Variants in TIAM2 observed in about 807,000 individuals in gnomAD.
The protein encoded by TIAM2 is rho guanine nucleotide exchange factor TIAM2.
A neutral mutation model predicts 152.9 loss-of-function variants in TIAM2; 80 were observed. The ratio of observed to expected loss-of-function variants is 0.52; its 90% CI spans 0.44 to 0.63. TIAM2 has a LOEUF of 0.63. TIAM2 is among the 30% of genes least tolerant of loss of function. TIAM2 has a pLI of 0.00. For synonymous variants in TIAM2, 804 were observed against 838.0 expected (o/e 0.96, Z 0.70); for missense variants, 1,965 against 2,120.1 (o/e 0.93, Z 1.44).
chr6:155,191,274 G>A (rs1284389702), intron 14 of TIAM2, among the ~76,000 whole-genome samples: 2 of 152,164 alleles, frequency 1.3e-5, no homozygotes, highest in Non-Finnish European at 2.9e-5. Flanking sequence ...TAACCTGAAA[G>A]CTCAGTTTTT....
At chr6:155,114,050 C>A (rs9480059) in intron 2 of TIAM2, among the ~76,000 whole-genome samples, 1,520 of 57,950 alleles carry the variant, frequency 0.026, 93 homozygotes, top group African/African-American at 0.1. Context: ...TTTTTTTTTT[C>A]TTTTTTTTTT....
At chr6:155,011,124 GACCAAA>G (rs1391445419) in intron 1 of TIAM2, among the ~76,000 whole-genome samples, 8 of 152,088 alleles carry the variant, frequency 5.3e-5, no homozygotes, top group East Asian at 3.9e-4. Context: ...AACATGGAAT[GACCAAA>G]ACCAAAACCA....
chr6:155,217,037 CGTTCTCCCAGAGGGAGCAG>C, intron 15 of TIAM2: 1 of 1,288,730 alleles, frequency 7.8e-7, no homozygotes, highest in Non-Finnish European at 1.0e-6. Context: ...AGATGTGATC[CGTTCTCCCAGAGGGAGCAG>C]GTTTCTTTGA....
intron 16 of TIAM2, 99 bp downstream of exon 16, chr6:155,240,808 C>A: frequency 2.3e-6 from 3 of 1,288,978 alleles, no homozygotes; most frequent in South Asian, 2.8e-5. Context: ...AGGACACCTG[C>A]CACTCCCCAG....
At chr6:155,216,826 C>T (rs1781871325) in intron 15 of TIAM2, 9 of 1,012,958 alleles carry the variant, frequency 8.9e-6, no homozygotes, top group Non-Finnish European at 7.5e-6. Flanking sequence ...CTTTCTAGAG[C>T]AGGCAGGCTC....
At position 155,174,958 on chromosome 6, in the gene TIAM2, T is replaced by A. The variant is rs1271729919; in HGVS notation, c.2362-1858T>A. Among the ~76,000 whole-genome samples, 1 of 152,196 alleles carries A rather than the reference T, an allele frequency of 6.6e-6. No homozygotes were observed. The highest frequency in any genetic ancestry group is 2.4e-5 in the African/African-American group (1 of 41,458). ...GTTTCAGAGGTGGGGCCTGCACCTTTAAGGCAGCATCTGTTTGTTGCTAAG... is the reference window on the plus strand; with the variant it reads ...GTTTCAGAGGTGGGGCCTGCACCTTAAAGGCAGCATCTGTTTGTTGCTAAG... On this transcript the variant is annotated intron_variant, in intron 9 of 26. Coordinates refer to ENST00000682666, the MANE Select transcript of TIAM2 (RefSeq NM_012454.4). The surrounding 1 kb of genome is among the most constrained non-coding windows in gnomAD (Gnocchi z 4.2).
At chr6:155,014,479 G>A (rs1258175880) in intron 1 of TIAM2, among the ~76,000 whole-genome samples, 1 of 152,058 alleles carries the variant, frequency 6.6e-6, no homozygotes, top group Non-Finnish European at 1.5e-5. Context: ...AAATCTTGCT[G>A]AGTTTTAATG....
chr6:155,146,137 G>A (rs1390095261), intron 6 of TIAM2, among the ~76,000 whole-genome samples: 1 of 152,118 alleles, frequency 6.6e-6, no homozygotes, highest in Non-Finnish European at 1.5e-5. Flanking sequence ...CAGCACTTTG[G>A]AGGCTGAGGC....
chr6:155,038,882 T>C (rs1005594344), intron 1 of TIAM2, among the ~76,000 whole-genome samples: 18 of 149,300 alleles, frequency 1.2e-4, no homozygotes, highest in African/African-American at 3.7e-4. Context: ...CAGTGAGCTG[T>C]GACTGTGCCA....
chr6:155,240,676 G>A lies in TIAM2; in HGVS notation c.3315G>A (p.Gln1105=). The part of the protein sequence containing the change: ...SDADRLRKVI[Q]ELVDTEKSYV... ...CAGACCGCCTCCGCAAAGTCATCCAGGAGCTTGTGGACACAGAGAAGTCCT... is the reference window on the plus strand; with the variant it reads ...CAGACCGCCTCCGCAAAGTCATCCAAGAGCTTGTGGACACAGAGAAGTCCT... Residue 1105 remains glutamine (Q), a synonymous_variant, in exon 16 of 27, where the codon CAG becomes CAA. Transcript: ENST00000682666. The A allele has an allele frequency of 1.9e-6, 3 of 1,613,464 alleles. No homozygotes were observed. Among genetic ancestry groups the A allele is most frequent in the Non-Finnish European group, 2.5e-6 (3 of 1,179,966 alleles).
chr6:155,089,858 G>A (rs1008434035), intron 1 of TIAM2, among the ~76,000 whole-genome samples: 6 of 152,092 alleles, frequency 3.9e-5, no homozygotes, highest in Admixed American at 1.3e-4. Context: ...CTCATTCACC[G>A]CTTTATTTCT....
intron 1 of TIAM2, among the ~76,000 whole-genome samples, chr6:155,002,170 C>T (rs2498492): frequency 2.6e-5 from 4 of 151,918 alleles, no homozygotes; most frequent in African/African-American, 9.7e-5. Flanking sequence ...GCACTTTGGT[C>T]GGCTGAGGCG....
chr6:155,205,182 TAAAAAAAAAAAAAAA>T (rs61272546), intron 14 of TIAM2, among the ~76,000 whole-genome samples: 26 of 40,540 alleles, frequency 6.4e-4, no homozygotes, highest in East Asian at 4.9e-3. Flanking sequence ...TATTAATTTC[TAAAAAAAAAAAAAAA>T]AAAAAAAAAA....
At chr6:155,229,114 C>T (rs1049054210) in intron 15 of TIAM2, among the ~76,000 whole-genome samples, 6 of 152,096 alleles carry the variant, frequency 3.9e-5, no homozygotes, top group South Asian at 2.1e-4. Context: ...GCCTTCTGCA[C>T]GCCTCCCCTC....
intron 2 of TIAM2, among the ~76,000 whole-genome samples, chr6:155,112,737 G>A (rs1380710699): frequency 8.5e-5 from 13 of 152,110 alleles, no homozygotes; most frequent in African/African-American, 2.4e-4. Context: ...CTGCTCTGCC[G>A]TCTGCATTCT....
chr6:155,003,944 C>T (rs1022615656), intron 1 of TIAM2, among the ~76,000 whole-genome samples: 11 of 152,150 alleles, frequency 7.2e-5, no homozygotes, highest in African/African-American at 1.2e-4. Context: ...ATTGACGGAG[C>T]GAGACTCCAT....
intron 12 of TIAM2, among the ~76,000 whole-genome samples, chr6:155,179,695 G>C (rs752167020): frequency 2.6e-5 from 4 of 152,226 alleles, no homozygotes; most frequent in Non-Finnish European, 4.4e-5. Flanking sequence ...ATATAAAATT[G>C]ATGGGAATTT....
chr6:155,223,814 C>T (rs1045051834), intron 15 of TIAM2, among the ~76,000 whole-genome samples: 4 of 152,100 alleles, frequency 2.6e-5, no homozygotes, highest in African/African-American at 4.8e-5. Flanking sequence ...CTGTGTTCCC[C>T]GGCAAGGGCG....
At position 155,214,746 on chromosome 6, in the gene TIAM2, G is replaced by A. The variant is rs1166824192; in HGVS notation, c.3168+3439G>A. Among the ~76,000 whole-genome samples the A allele has an allele frequency of 6.6e-6, 1 of 152,126 alleles. No homozygotes were observed. Among genetic ancestry groups the A allele is most frequent in the African/African-American group, 2.4e-5 (1 of 41,422 alleles). On this transcript the variant is annotated intron_variant, in intron 15 of 26. Transcript: ENST00000682666. This position sits in a 1 kb window ranked among gnomAD's most constrained non-coding sequence, Gnocchi z 5.4. The stretch of plus-strand genomic sequence containing the variant: ...TTCATTAGCTTTTTAATGAAGCAGT[G>A]GATCCTAGAGCATCAAATAGATGTG...
Sources: gnomAD v4.1 joint callset for allele counts (sites outside exome capture counted in the v4.1 genomes callset) on GRCh38, gnomAD v4.1.1 for gene constraint, Gnocchi (gnomAD v3.1) non-coding constraint, MANE v1.5 for transcripts, NCBI Gene and HGNC (gene_info 2026-07-23, HGNC 2026-07-21) for gene names.